Variants in TRPM3 observed in about 807,000 individuals in gnomAD.
TRPM3 encodes transient receptor potential cation channel subfamily M member 3, also known as long transient receptor potential channel 3.
In TRPM3, 77 loss-of-function variants were observed where a neutral mutation model predicts 181.2. The ratio of observed to expected loss-of-function variants is 0.42; its 90% CI spans 0.35 to 0.51. The LOEUF (loss-of-function observed/expected upper bound fraction) is 0.51, where lower values mean the gene tolerates loss of function less well. TRPM3 is among the 20% of genes least tolerant of loss of function. The probability of loss-of-function intolerance (pLI) is 0.01; values close to 1 mark genes in which losing one functional copy is unlikely to be tolerated. For missense variants in TRPM3, 1,759 were observed against 2,196.7 expected, an observed-to-expected ratio of 0.80 and a Z score of 3.98; for synonymous variants, 745 against 796.4, an observed-to-expected ratio of 0.94 and a Z score of 1.09.
chr9:71,102,852 G>T (rs1336118124), intron 1 of TRPM3, among the ~76,000 whole-genome samples: 1 of 152,028 alleles, frequency 6.6e-6, no homozygotes, highest in Non-Finnish European at 1.5e-5. Context: ...TCTTTGCATT[G>T]CTAACGTAAC....
chr9:71,005,937 A>C (rs1366353974), intron 1 of TRPM3, among the ~76,000 whole-genome samples: 1 of 152,224 alleles, frequency 6.6e-6, no homozygotes, highest in Non-Finnish European at 1.5e-5. Flanking sequence ...AGACTAACAG[A>C]TAAAATTATT....
chr9:71,047,765 G>A (rs1361063602), intron 1 of TRPM3, among the ~76,000 whole-genome samples: 3 of 151,080 alleles, frequency 2.0e-5, no homozygotes, highest in South Asian at 4.2e-4. Context: ...ATATGCAATT[G>A]CCACAGAAAA....
At chr9:71,173,770 G>C (rs2076976442) in intron 1 of TRPM3, among the ~76,000 whole-genome samples, 1 of 152,188 alleles carries the variant, frequency 6.6e-6, no homozygotes, top group East Asian at 1.9e-4. Context: ...AGGACACCTT[G>C]AATCAACTTT....
At chr9:70,940,304 A>G (rs2096873089) in intron 1 of TRPM3, among the ~76,000 whole-genome samples, 1 of 152,240 alleles carries the variant, frequency 6.6e-6, no homozygotes, top group Non-Finnish European at 1.5e-5. Context: ...ACAAAGTCGT[A>G]AAGCTGGTAT....
At chr9:71,239,449 T>C (rs1441664488) in intron 1 of TRPM3, among the ~76,000 whole-genome samples, 1 of 152,194 alleles carries the variant, frequency 6.6e-6, no homozygotes, top group Non-Finnish European at 1.5e-5. Context: ...GGTGAAATTA[T>C]AACTCTCTCT....
intron 7 of TRPM3, among the ~76,000 whole-genome samples, chr9:70,770,591 T>C (rs1418058756): frequency 6.6e-6 from 1 of 152,216 alleles, no homozygotes; most frequent in Non-Finnish European, 1.5e-5. Context: ...TAAGATGCTA[T>C]GGTATGGTGC....
chr9:70,776,927 C>T (rs1663639006), intron 7 of TRPM3, among the ~76,000 whole-genome samples: 1 of 152,188 alleles, frequency 6.6e-6, no homozygotes, highest in South Asian at 2.1e-4. Context: ...GGCCCCACCC[C>T]ACGTGCATCA....
chr9:71,309,792 CCATGAAAGTAT>C (rs148101904), intron 1 of TRPM3, among the ~76,000 whole-genome samples: 3,217 of 152,068 alleles, frequency 0.021, 39 homozygotes, highest in Non-Finnish European at 0.03. Flanking sequence ...AACTAAAATG[CCATGAAAGTAT>C]CATGGCAGAA....
chr9:70,801,036 C>A (rs2088846881), intron 6 of TRPM3, among the ~76,000 whole-genome samples: 1 of 152,162 alleles, frequency 6.6e-6, no homozygotes, highest in African/African-American at 2.4e-5. Context: ...ACTGAGTTGT[C>A]TCTCACTGAG....
At chr9:71,176,882 G>C (rs76295057) in intron 1 of TRPM3, among the ~76,000 whole-genome samples, 3,139 of 152,184 alleles carry the variant, frequency 0.021, 120 homozygotes, top group African/African-American at 0.072. Flanking sequence ...CAGTTTTGTA[G>C]TCTAGGAAGA....
chr9:71,039,858 C>T (rs1027144587), intron 1 of TRPM3, among the ~76,000 whole-genome samples: 2 of 152,016 alleles, frequency 1.3e-5, no homozygotes, highest in African/African-American at 2.4e-5. Flanking sequence ...AGTATTACAT[C>T]CTGTATCTGG....
chr9:71,334,040 A>C (rs2090394468), intron 1 of TRPM3, among the ~76,000 whole-genome samples: 1 of 151,868 alleles, frequency 6.6e-6, no homozygotes, highest in Admixed American at 6.6e-5. Flanking sequence ...TTCATTGATA[A>C]ATCTGTGGAA....
intron 21 of TRPM3, 77 bp downstream of exon 21, chr9:70,598,342 T>G: frequency 2.6e-6 from 4 of 1,551,630 alleles, no homozygotes; most frequent in Non-Finnish European, 3.5e-6. Flanking sequence ...CAGGCCCAAA[T>G]GAATTATTTC....
chr9:71,349,457 C>T (rs2091475005), intron 1 of TRPM3, among the ~76,000 whole-genome samples: 1 of 152,122 alleles, frequency 6.6e-6, no homozygotes, highest in Non-Finnish European at 1.5e-5. Flanking sequence ...TTCCAGAAAA[C>T]CAGCAAAGAG....
intron 22 of TRPM3, among the ~76,000 whole-genome samples, chr9:70,559,093 A>C (rs190781779): frequency 3.0e-4 from 45 of 152,342 alleles, no homozygotes; most frequent in African/African-American, 1.1e-3. Context: ...ATAAACTTTT[A>C]TAATAACAAG....
chr9:71,139,727 A>G (rs991034067), intron 1 of TRPM3, among the ~76,000 whole-genome samples: 2 of 152,198 alleles, frequency 1.3e-5, no homozygotes, highest in African/African-American at 4.8e-5. Flanking sequence ...CCACAGTGCT[A>G]AGAAATAATA....
At chr9:71,414,093 A>C (rs1469700793) in intron 1 of TRPM3, among the ~76,000 whole-genome samples, 7 of 152,074 alleles carry the variant, frequency 4.6e-5, no homozygotes, top group Non-Finnish European at 1.0e-4. Flanking sequence ...ATTGTATCGC[A>C]CTTATTGTAG....
rs370689593 is a variant in TRPM3 at position 70,771,485 on chromosome 9, C to G, written c.1149-9761G>C. On this transcript the variant is annotated intron_variant, in intron 7 of 25. Transcript: ENST00000677713. Reference sequence around the variant, plus strand: ...CCTTTTCCTTCTCTCCTTCCCTTCCCTCTTCTTTCCTTGTTCTCACCTTAG... The same window carrying G: ...CCTTTTCCTTCTCTCCTTCCCTTCCGTCTTCTTTCCTTGTTCTCACCTTAG... 3.9e-5 allele frequency among the ~76,000 whole-genome samples: 6 copies of G among 152,096 alleles called. No individual in the cohort carries two copies. In the East Asian group the frequency reaches 1.2e-3, roughly 29 times the overall value.
At chr9:71,036,784 G>A (rs1051951141) in intron 1 of TRPM3, among the ~76,000 whole-genome samples, 7 of 152,150 alleles carry the variant, frequency 4.6e-5, no homozygotes, top group African/African-American at 1.4e-4. Flanking sequence ...ATGGAAAACC[G>A]GACAACTGCT....
Sources: allele counts gnomAD v4.1 joint callset (sites outside exome capture counted in the v4.1 genomes callset), GRCh38; gene constraint gnomAD v4.1.1; transcripts MANE v1.5; gene names NCBI Gene and HGNC (gene_info 2026-07-23, HGNC 2026-07-21).